Variants in FBXO10 observed in about 807,000 individuals in gnomAD.
The protein encoded by FBXO10 is F-box only protein 10.
Under a neutral mutation model 80.7 loss-of-function variants are expected in FBXO10, and 39 were observed. That is an observed-to-expected ratio of 0.48 (90% confidence interval 0.37 to 0.63). The LOEUF is 0.63. Ranked by LOEUF, FBXO10 falls within the 30% of genes least tolerant of loss-of-function variation. The pLI is 0.00. For synonymous variants in FBXO10, 449 were observed against 489.6 expected (o/e 0.92, Z 1.09); for missense variants, 1,025 against 1,269.0 (o/e 0.81, Z 2.92).
intron 1 of FBXO10, among the ~76,000 whole-genome samples, chr9:37,555,442 C>T (rs910819904): frequency 3.3e-5 from 5 of 151,802 alleles, no homozygotes; most frequent in Non-Finnish European, 5.9e-5. Context: ...GGTGCAATCT[C>T]GGCTCACCGC....
intron 1 of FBXO10, among the ~76,000 whole-genome samples, chr9:37,549,631 C>T (rs779769726): frequency 3.3e-5 from 5 of 152,110 alleles, no homozygotes; most frequent in Non-Finnish European, 5.9e-5. Flanking sequence ...TCTGCTGGTT[C>T]CCCTCTATCT....
chr9:37,537,124 T>C lies in FBXO10; in HGVS notation c.1405A>G (p.Ile469Val). ...FRNLTYAVRC[I>V]HNSKIIMLRN... is the part of the protein sequence containing the mutation. ...CATGACAGCACCTTGCTATTATGTA[T>C]ACACCGCACTGCGTAAGTCAGGTTC... Residue 469 changes from isoleucine (I) to valine (V), a missense_variant, in exon 3 of 11, where the codon ATA (isoleucine) becomes GTA (valine). Around this residue, in one of 3 missense-constraint regions of FBXO10, gnomAD observed 478 missense variants for 667.8 expected, o/e 0.72. Transcript: ENST00000432825. 1 of 1,611,122 alleles carries C rather than the reference T, an allele frequency of 6.2e-7. No individual in the cohort carries two copies. Among genetic ancestry groups the C allele is most frequent in the Non-Finnish European group, 8.5e-7 (1 of 1,178,284 alleles).
In FBXO10 at chr9:37,541,450, G is replaced by A. The variant is rs1436728936; in HGVS notation, c.319C>T (p.Arg107Ter). 6.2e-7 allele frequency: 1 copy of A among 1,614,020 alleles called. No homozygotes were observed. The highest frequency in any genetic ancestry group is 8.5e-7 in the Non-Finnish European group (1 of 1,179,898). The stretch of plus-strand genomic sequence containing the variant: ...CCTGGCCCAACACTCAGGGTACGTC[G>A]TTCCCTCCTCCGGCGGAATAGAGAA... Reference protein sequence around the residue: ...CFSLFRRRRERRTLSVGPGRE... With the variant: ...CFSLFRRRRE The change falls in exon 2 of 11, where the codon CGA becomes TGA. Residue 107 changes from arginine (R) to a stop codon, truncating the protein, a stop_gained. Coordinates refer to ENST00000432825, the MANE Select transcript of FBXO10 (RefSeq NM_012166.3). LOFTEE classifies it high-confidence loss of function.
chr9:37,564,830 T>C (rs61318744), intron 1 of FBXO10, among the ~76,000 whole-genome samples: 4,091 of 152,300 alleles, frequency 0.027, 196 homozygotes, highest in African/African-American at 0.093. Flanking sequence ...GATGAGACTT[T>C]GGACCTGGAC....
chr9:37,557,275 C>G (rs543268228), intron 1 of FBXO10, among the ~76,000 whole-genome samples: 1 of 152,014 alleles, frequency 6.6e-6, no homozygotes, highest in African/African-American at 2.4e-5. Context: ...TGAACTCTCA[C>G]GTAACTCACT....
rs563972274 is a variant in FBXO10, at chr9:37,512,506, G to A, written c.*41C>T. 1.9e-6 allele frequency: 3 copies of A among 1,591,408 alleles called. No homozygotes were observed. Among genetic ancestry groups the A allele is most frequent in the African/African-American group, 1.3e-5 (1 of 74,646 alleles). ...GCAGTATTTCCACCTTAGCTCCTCT[G>A]AGCACCCATCCAGGCTTGGCCCTGA... On this transcript the variant is annotated 3_prime_UTR_variant, in exon 11 of 11. Coordinates refer to ENST00000432825, the MANE Select transcript of FBXO10 (RefSeq NM_012166.3).
At chr9:37,556,062 C>G (rs1822327529) in intron 1 of FBXO10, among the ~76,000 whole-genome samples, 1 of 152,128 alleles carries the variant, frequency 6.6e-6, no homozygotes, top group Non-Finnish European at 1.5e-5. Context: ...TCAAGTTATT[C>G]TAGCACCATT....
chr9:37,539,444 T>C (rs1821860875), intron 2 of FBXO10, among the ~76,000 whole-genome samples: 1 of 152,170 alleles, frequency 6.6e-6, no homozygotes, highest in South Asian at 2.1e-4. Flanking sequence ...AACTAATATA[T>C]GTTATATGCT....
chr9:37,534,109 A>G (rs1014012937), intron 3 of FBXO10, among the ~76,000 whole-genome samples: 3 of 152,076 alleles, frequency 2.0e-5, no homozygotes. Context: ...ATGATAATAT[A>G]TAAAAAATCT....
intron 4 of FBXO10, 89 bp from the exon 5 acceptor site, chr9:37,529,349 G>GATGA: frequency 7.2e-7 from 1 of 1,394,126 alleles, no homozygotes; most frequent in South Asian, 1.3e-5. Context: ...TCCGCGGCAG[G>GATGA]ATGAACACAG....
At chr9:37,545,962 C>T (rs763933311) in intron 1 of FBXO10, among the ~76,000 whole-genome samples, 3 of 152,068 alleles carry the variant, frequency 2.0e-5, no homozygotes, top group Non-Finnish European at 4.4e-5. Context: ...GCCTCACCAA[C>T]ATGGTGAAAC....
intron 2 of FBXO10, among the ~76,000 whole-genome samples, chr9:37,539,543 T>C (rs932187932): frequency 6.6e-6 from 1 of 152,220 alleles, no homozygotes; most frequent in African/African-American, 2.4e-5. Flanking sequence ...GAGGGAGAAG[T>C]AGAGGCTGAA....
At chr9:37,553,916 C>CAAAAAAAAAAAAAAAAAAAA (rs71494669) in intron 1 of FBXO10, among the ~76,000 whole-genome samples, 9 of 64,298 alleles carry the variant, frequency 1.4e-4, no homozygotes, top group East Asian at 4.8e-4. Context: ...AAGTCTGCCT[C>CAAAAAAAAAAAAAAAAAAAA]AAAAAAAAAA....
At position 37,541,781 on chromosome 9, in the gene FBXO10, G is replaced by C. The variant is rs1393347701; in HGVS notation, c.-6-7C>G. ...CACCAGCCTCCATGGTCACCTAGGA[G>C]ACAGACACAAAACAAAAGAGATTTC... On this transcript the variant is annotated splice_polypyrimidine_tract_variant and splice_region_variant and intron_variant, in intron 1 of 10. Transcript: ENST00000432825. 11 of 1,564,276 alleles carry C rather than the reference G, an allele frequency of 7.0e-6. No individual in the cohort carries two copies. The highest frequency in any genetic ancestry group is 9.5e-6 in the Non-Finnish European group (11 of 1,154,886).
chr9:37,540,191 GA>G (rs1473218646), intron 2 of FBXO10, among the ~76,000 whole-genome samples: 2 of 150,430 alleles, frequency 1.3e-5, no homozygotes, highest in African/African-American at 2.5e-5. Flanking sequence ...ATATATATAT[GA>G]TTTTTTTTTT....
At chr9:37,553,199 G>A (rs1181130372) in intron 1 of FBXO10, among the ~76,000 whole-genome samples, 2 of 151,986 alleles carry the variant, frequency 1.3e-5, no homozygotes, top group Non-Finnish European at 2.9e-5. Flanking sequence ...GCGCCACCAT[G>A]CCCAGCTAAT....
intron 1 of FBXO10, among the ~76,000 whole-genome samples, chr9:37,570,580 G>A (rs1019054470): frequency 2.0e-5 from 3 of 152,086 alleles, no homozygotes; most frequent in Non-Finnish European, 4.4e-5. Context: ...CTGATGATAA[G>A]AGCAGGTTCT....
chr9:37,555,936 CTT>C (rs1049976032), intron 1 of FBXO10, among the ~76,000 whole-genome samples: 49 of 152,232 alleles, frequency 3.2e-4, no homozygotes, highest in African/African-American at 1.1e-3. Context: ...GATATAATCT[CTT>C]GTCTAAAAGC....
intron 1 of FBXO10, among the ~76,000 whole-genome samples, chr9:37,556,408 T>C (rs1254264125): frequency 6.6e-6 from 1 of 152,164 alleles, no homozygotes; most frequent in African/African-American, 2.4e-5. Flanking sequence ...GAAGTTTTTC[T>C]TTTTAGCCTA....
Sources: gnomAD v4.1 joint callset for allele counts (sites outside exome capture counted in the v4.1 genomes callset) on GRCh38, gnomAD v4.1.1 for gene constraint, gnomAD v4.1.1 regional missense constraint, MANE v1.5 for transcripts, NCBI Gene and HGNC (gene_info 2026-07-23, HGNC 2026-07-21) for gene names.